PHF21B: variants seen among roughly 807,000 people sequenced by gnomAD.
PHF21B encodes PHD finger protein 21B.
In PHF21B, 22 loss-of-function variants were observed where a neutral mutation model predicts 62.2. The observed-to-expected ratio is 0.35, with a 90% confidence interval of 0.25 to 0.51. The LOEUF (loss-of-function observed/expected upper bound fraction) is 0.51, where lower values mean the gene tolerates loss of function less well. Among genes scored for constraint, PHF21B ranks in the 20% least tolerant of loss-of-function variants. PHF21B has a pLI of 0.97. For missense variants in PHF21B, 701 were observed against 707.9 expected, an observed-to-expected ratio of 0.99 and a Z score of 0.11; for synonymous variants, 341 against 314.7, an observed-to-expected ratio of 1.08 and a Z score of -0.88.
intron 2 of PHF21B, among the ~76,000 whole-genome samples, chr22:44,923,272 A>T (rs998408447): frequency 1.3e-5 from 2 of 152,034 alleles, no homozygotes; most frequent in Non-Finnish European, 2.9e-5. Flanking sequence ...GTATTAGAAC[A>T]AGGAGATATA....
intron 5 of PHF21B, among the ~76,000 whole-genome samples, chr22:44,897,593 A>C (rs758973486): frequency 6.6e-6 from 1 of 152,120 alleles, no homozygotes; most frequent in Non-Finnish European, 1.5e-5. Context: ...TCTGTGAGTC[A>C]ATATTTCCTT....
At chr22:44,988,101 T>C (rs1335737559) in intron 2 of PHF21B, among the ~76,000 whole-genome samples, 2 of 152,186 alleles carry the variant, frequency 1.3e-5, no homozygotes, top group Admixed American at 1.3e-4. Flanking sequence ...GAGAACATCT[T>C]TGTGGAATAC....
rs1483764514 is a variant in PHF21B at position 45,001,266 on chromosome 22, G to A, written c.120+7279C>T. ...TCCTGAAGATTCACCAGCCCAGTCC[G>A]ACCCAAGTCCCAGGATTATCCTGAC... On this transcript the variant is annotated intron_variant, in intron 2 of 12. Transcript: ENST00000313237. 2.0e-5 allele frequency: 3 copies of A among 152,416 alleles called. 1 individual carries two copies. Among genetic ancestry groups the A allele is most frequent in the South Asian group, 4.1e-4 (2 of 4,822 alleles). The allele number at this position is 152,416 out of a possible 1,614,324, so 9.4% of individuals were successfully genotyped here.
chr22:44,959,274 T>A (rs2072369006), intron 2 of PHF21B, among the ~76,000 whole-genome samples: 1 of 152,216 alleles, frequency 6.6e-6, no homozygotes, highest in South Asian at 2.1e-4. Context: ...TAGAGAATGA[T>A]GACATTTTGC....
chr22:44,895,784 T>C (rs1291710608), intron 6 of PHF21B, among the ~76,000 whole-genome samples: 1 of 152,152 alleles, frequency 6.6e-6, no homozygotes, highest in African/African-American at 2.4e-5. Flanking sequence ...CTTCTCTGTC[T>C]TGTTCGTCTT....
intron 2 of PHF21B, among the ~76,000 whole-genome samples, chr22:45,005,623 G>A (rs2073301846): frequency 6.6e-6 from 1 of 152,150 alleles, no homozygotes; most frequent in African/African-American, 2.4e-5. Context: ...TCATGGTTGG[G>A]CCCTGAAAGA....
intron 2 of PHF21B, among the ~76,000 whole-genome samples, chr22:44,920,982 T>A (rs2071524828): frequency 6.6e-6 from 1 of 152,258 alleles, no homozygotes; most frequent in Non-Finnish European, 1.5e-5. Flanking sequence ...TCTTTGTGGA[T>A]AAATCCATTT....
chr22:44,982,511 G>A (rs945657924), intron 2 of PHF21B, among the ~76,000 whole-genome samples: 4 of 152,108 alleles, frequency 2.6e-5, no homozygotes, highest in African/African-American at 7.2e-5. Flanking sequence ...CTAAGCCCGT[G>A]TCCTCCCCAC....
At chr22:44,993,098 A>T (rs2073067162) in intron 2 of PHF21B, among the ~76,000 whole-genome samples, 1 of 152,162 alleles carries the variant, frequency 6.6e-6, no homozygotes, top group Non-Finnish European at 1.5e-5. Context: ...GGGAGAAGCC[A>T]CGTGAACCTG....
At chr22:44,923,149 A>G (rs990250370) in intron 2 of PHF21B, among the ~76,000 whole-genome samples, 2 of 152,336 alleles carry the variant, frequency 1.3e-5, no homozygotes, top group African/African-American at 4.8e-5. Flanking sequence ...AAATAGATCA[A>G]TGGAACAGAA....
chr22:44,896,151 A>C, intron 5 of PHF21B, 68 bp from the exon 6 acceptor site: 2 of 1,566,812 alleles, frequency 1.3e-6, no homozygotes, highest in Non-Finnish European at 1.8e-6. Context: ...CTCAACAAAC[A>C]TCTGCTGTGG....
chr22:44,924,080 G>GGGA (rs2071587827), intron 2 of PHF21B, among the ~76,000 whole-genome samples: 1 of 28,544 alleles, frequency 3.5e-5, no homozygotes, highest in African/African-American at 7.0e-5. Flanking sequence ...GGGGAGGGAA[G>GGGA]AGGGGAGGAA....
intron 4 of PHF21B, among the ~76,000 whole-genome samples, chr22:44,914,438 T>C (rs1035336327): frequency 6.6e-6 from 1 of 152,170 alleles, no homozygotes; most frequent in African/African-American, 2.4e-5. Context: ...GCCACACCTC[T>C]CCCCAGGGAG....
intron 6 of PHF21B, among the ~76,000 whole-genome samples, chr22:44,893,822 C>T (rs958507586): frequency 1.3e-5 from 2 of 152,242 alleles, no homozygotes; most frequent in African/African-American, 4.8e-5. Flanking sequence ...TTTTGTGTCC[C>T]TATCTGGCCC....
chr22:44,963,434 A>C (rs2072464214), intron 2 of PHF21B, among the ~76,000 whole-genome samples: 1 of 152,208 alleles, frequency 6.6e-6, no homozygotes, highest in African/African-American at 2.4e-5. Flanking sequence ...AGTGACTTCT[A>C]TGAAGCCCTC....
At chr22:44,886,264 G>T (rs895921646) in intron 10 of PHF21B, among the ~76,000 whole-genome samples, 1 of 151,888 alleles carries the variant, frequency 6.6e-6, no homozygotes, top group Non-Finnish European at 1.5e-5. Flanking sequence ...CCCCAGGCAC[G>T]CCAGGGACAA....
At chr22:44,939,850 C>T (rs566891929) in intron 2 of PHF21B, among the ~76,000 whole-genome samples, 143 of 152,218 alleles carry the variant, frequency 9.4e-4, no homozygotes, top group African/African-American at 2.9e-3. Flanking sequence ...AGGCTGCCCA[C>T]GGAGGCAGGG....
intron 2 of PHF21B, among the ~76,000 whole-genome samples, chr22:44,990,529 C>T (rs5766263): frequency 0.2 from 31,085 of 152,126 alleles, 4,390 homozygotes; most frequent in East Asian, 0.71. Context: ...GTGAATTACG[C>T]TGAGTAAGAG....
rs148126177 is a variant in PHF21B, at chr22:44,942,532, G to A, written c.121-22042C>T. Among the ~76,000 whole-genome samples the A allele has an allele frequency of 6.1e-3, 933 of 152,298 alleles. 10 individuals carry two copies. Among genetic ancestry groups the A allele is most frequent in the African/African-American group, 0.021 (853 of 41,564 alleles). Reference sequence around the variant, plus strand: ...TGACCTGCCAATGCTGGGAGGTGGAGGAAGCCAGTCCAGCCCAGGCAGCTG... The same window carrying A: ...TGACCTGCCAATGCTGGGAGGTGGAAGAAGCCAGTCCAGCCCAGGCAGCTG... On this transcript the variant is annotated intron_variant, in intron 2 of 12. Transcript: ENST00000313237.
Sources: gnomAD v4.1 joint callset for allele counts (sites outside exome capture counted in the v4.1 genomes callset) on GRCh38, gnomAD v4.1.1 for gene constraint, MANE v1.5 for transcripts, NCBI Gene and HGNC (gene_info 2026-07-23, HGNC 2026-07-21) for gene names.